The following SULF1 variants were observed in gnomAD, a reference collection of about 807,000 sequenced individuals.
SULF1 encodes sulfatase 1.
SULF1 carries 46 observed loss-of-function variants against 110.5 expected under a neutral mutation model. The ratio of observed to expected loss-of-function variants is 0.42; its 90% CI spans 0.33 to 0.53. SULF1 has a LOEUF of 0.53. Among genes scored for constraint, SULF1 ranks in the 20% least tolerant of loss-of-function variants. The pLI is 0.12. For missense variants in SULF1, 941 were observed against 1,094.2 expected (o/e 0.86, Z 1.98); for synonymous variants, 371 against 387.1 (o/e 0.96, Z 0.49).
At position 69,475,135 on chromosome 8, in the gene SULF1, AG is replaced by A. The variant is rs1809247149; in HGVS notation, c.-391+8189del. 4.6e-5 allele frequency among the ~76,000 whole-genome samples: 7 copies of A among 151,942 alleles called. No individual in the cohort carries two copies. The South Asian group carries it at 1.5e-3, about 32-fold the overall frequency. ...AAGAGAAAAAAAGGAATGGAAGAGG[AG>A]GGGAAACATTGTGATCCTCTCTTGC... On this transcript the variant is annotated intron_variant, in intron 1 of 22. Coordinates refer to the SULF1 transcript ENST00000260128.
At chr8:69,506,662 T>C (rs1434142768) in intron 3 of SULF1, among the ~76,000 whole-genome samples, 3 of 152,192 alleles carry the variant, frequency 2.0e-5, no homozygotes, top group Non-Finnish European at 4.4e-5. Flanking sequence ...GTGCTTTGCC[T>C]GATAATGGTG....
chr8:69,601,591 A>C, intron 9 of SULF1, 63 bp from the exon 10 acceptor site: 1 of 1,381,734 alleles, frequency 7.2e-7, no homozygotes, highest in East Asian at 2.5e-5. Flanking sequence ...TCGTGGCAAC[A>C]CTATTGAGCA....
At chr8:69,549,497 T>C (rs1157638738) in intron 3 of SULF1, among the ~76,000 whole-genome samples, 1 of 151,616 alleles carries the variant, frequency 6.6e-6, no homozygotes, top group Non-Finnish European at 1.5e-5. Context: ...GTTAACTAGA[T>C]TGTGCCTCCT....
rs371350433 is a variant in SULF1, at chr8:69,471,309, G to A, written c.-391+4359G>A. Among the ~76,000 whole-genome samples, 16 of 151,654 alleles carry A rather than the reference G, an allele frequency of 1.1e-4. No homozygotes were observed. In the South Asian group the frequency reaches 2.9e-3, roughly 28 times the overall value. ...GCTTACTAAACTCACCAGGACATTC[G>A]AACACTCAAGACACTTTCCTCTCTA... On this transcript the variant is annotated intron_variant, in intron 1 of 22. Transcript: ENST00000260128.
chr8:69,620,925 A>T (rs2130546778), intron 13 of SULF1, 110 bp from the exon 14 acceptor site: 2 of 792,008 alleles, frequency 2.5e-6, no homozygotes, highest in South Asian at 4.1e-5. Flanking sequence ...CCTTAATGAT[A>T]TTGCCAGTGC....
At chr8:69,646,464 C>T (rs1447384782) in intron 22 of SULF1, among the ~76,000 whole-genome samples, 2 of 150,876 alleles carry the variant, frequency 1.3e-5, no homozygotes, top group Admixed American at 6.6e-5. Context: ...CTCACACTGT[C>T]GCCTGGGCTG....
At chr8:69,536,111 AT>A (rs1813416614) in intron 3 of SULF1, among the ~76,000 whole-genome samples, 1 of 152,118 alleles carries the variant, frequency 6.6e-6, no homozygotes, top group African/African-American at 2.4e-5. Flanking sequence ...ACTTCGATCA[AT>A]TTAATTTGAT....
rs1367509917 is a variant in SULF1 at position 69,659,119 on chromosome 8, A to C, written c.*584A>C. 2 of 456,792 alleles carry C rather than the reference A, an allele frequency of 4.4e-6. No individual in the cohort carries two copies. Among genetic ancestry groups the C allele is most frequent in the South Asian group, 3.1e-5 (2 of 64,560 alleles). The allele number at this position is 456,792 out of a possible 1,614,324, so 28.3% of individuals were successfully genotyped here. Reference sequence around the variant, plus strand: ...ACTTCCCCAGTATGGTGGTCCTGGAAAGGACATTTTTGAAGATCAACTATA... The same window carrying C: ...ACTTCCCCAGTATGGTGGTCCTGGACAGGACATTTTTGAAGATCAACTATA... On this transcript the variant is annotated 3_prime_UTR_variant, in exon 23 of 23. Transcript: ENST00000402687.
At chr8:69,526,981 C>G (rs1342643535) in intron 3 of SULF1, among the ~76,000 whole-genome samples, 3 of 152,144 alleles carry the variant, frequency 2.0e-5, no homozygotes, top group Non-Finnish European at 4.4e-5. Context: ...TTGTAAGTGT[C>G]TGAAAGAGAG....
intron 7 of SULF1, among the ~76,000 whole-genome samples, chr8:69,587,482 A>T (rs1456601854): frequency 1.3e-5 from 2 of 152,200 alleles, no homozygotes; most frequent in African/African-American, 4.8e-5. Context: ...GAAAACAATG[A>T]ATGCAAATGA....
chr8:69,629,690 T>C lies in SULF1; in HGVS notation c.2284+11T>C, dbSNP rs761331824. The C allele has an allele frequency of 1.3e-6, 2 of 1,585,932 alleles. No individual in the cohort carries two copies. The highest frequency in any genetic ancestry group is 8.6e-7 in the Non-Finnish European group (1 of 1,165,804). ...CCCCGTTCTGGAACCGTAAGTTGCT[T>C]GTTCCAAATGCCACTTCCTGCCGCC... On this transcript the variant is annotated intron_variant, in intron 19 of 22. Transcript: ENST00000402687.
rs141338686 is a variant in SULF1 at position 69,631,731 on chromosome 8, T to C, written c.2284+2052T>C. On this transcript the variant is annotated intron_variant, in intron 19 of 22. Transcript: ENST00000402687. Reference sequence around the variant, plus strand: ...CTCGCCATGGGGCCTTTGCACTTGTTTCCCCTCCCTGGAAGGCTCTTGCCC... The same window carrying C: ...CTCGCCATGGGGCCTTTGCACTTGTCTCCCCTCCCTGGAAGGCTCTTGCCC... 1.1e-4 allele frequency among the ~76,000 whole-genome samples: 16 copies of C among 152,350 alleles called. 2 individuals carry two copies. The East Asian group carries it at 2.9e-3, about 28-fold the overall frequency.
intron 2 of SULF1, 91 bp downstream of exon 2, chr8:69,496,017 A>G (rs901351175): frequency 6.6e-6 from 1 of 152,244 alleles, no homozygotes; most frequent in Non-Finnish European, 1.5e-5. Flanking sequence ...AGCAGGCAGG[A>G]AGCTGTGACT....
At chr8:69,557,972 T>G (rs150955343) in intron 3 of SULF1, among the ~76,000 whole-genome samples, 29 of 152,344 alleles carry the variant, frequency 1.9e-4, no homozygotes, top group African/African-American at 6.7e-4. Context: ...CTATCTTCTT[T>G]GCTTGGAGTT....
In SULF1 at chr8:69,660,167, A is replaced by G. The variant is rs905815497; in HGVS notation, c.*1632A>G. On this transcript the variant is annotated 3_prime_UTR_variant, in exon 23 of 23. Coordinates refer to ENST00000402687, the MANE Select transcript of SULF1 (RefSeq NM_001128205.2). ...CTTGACAGGAGAAAAAGATCTAAAG[A>G]TCTTTTATTTTCATCTTTTTTGGTT... 6.6e-6 allele frequency: 1 copy of G among 152,278 alleles called. No individual in the cohort carries two copies. Among genetic ancestry groups the G allele is most frequent in the Non-Finnish European group, 1.5e-5 (1 of 68,038 alleles). The allele number at this position is 152,278 out of a possible 1,614,324, so 9.4% of individuals were successfully genotyped here.
rs573648168 is a variant in SULF1 at position 69,498,632 on chromosome 8, G to A, written c.-229+2706G>A. Reference sequence around the variant, plus strand: ...CAGGTTTTAAATGTTATGAGTTCTAGTGACAGGGATTAATGAAAATAGAGG... The same window carrying A: ...CAGGTTTTAAATGTTATGAGTTCTAATGACAGGGATTAATGAAAATAGAGG... On this transcript the variant is annotated intron_variant, in intron 2 of 22. Coordinates refer to ENST00000402687, the MANE Select transcript of SULF1 (RefSeq NM_001128205.2). Among the ~76,000 whole-genome samples, 6 of 152,310 alleles carry A rather than the reference G, an allele frequency of 3.9e-5. No individual in the cohort carries two copies. In the East Asian group the frequency reaches 1.2e-3, roughly 29 times the overall value.
intron 13 of SULF1, among the ~76,000 whole-genome samples, chr8:69,613,716 T>A (rs1808852090): frequency 6.6e-6 from 1 of 152,192 alleles, no homozygotes; most frequent in Admixed American, 6.5e-5. Context: ...ATAATAATTA[T>A]TTTGTACAGT....
Position 69,604,919 on chromosome 8 carries a change from A to C in SULF1, c.1364A>C (p.Glu455Ala). Residue 455 changes from glutamate (E) to alanine (A), a missense_variant, in exon 13 of 23, where the codon GAA (glutamate) becomes GCA (alanine). By Grantham distance (107) the Glu-to-Ala change is moderately radical (BLOSUM62 -1). Coordinates refer to ENST00000402687, the MANE Select transcript of SULF1 (RefSeq NM_001128205.2). ...CAGGCCAGGTACCAGACAGCCTGTG[A>C]ACAACCGGGGCAGGTGAGTGACGCA... Reference protein sequence around the residue: ...CQQARYQTACEQPGQKWQCIE... With the variant: ...CQQARYQTACAQPGQKWQCIE... 3 of 1,614,208 alleles carry C rather than the reference A, an allele frequency of 1.9e-6. No homozygotes were observed. In the South Asian group the frequency reaches 3.3e-5, roughly 18 times the overall value.
intron 14 of SULF1, among the ~76,000 whole-genome samples, chr8:69,622,539 C>T (rs1225769810): frequency 1.3e-5 from 2 of 151,468 alleles, no homozygotes; most frequent in African/African-American, 4.9e-5. Context: ...GAGCCGAGAT[C>T]GCACCACTGC....
Sources: gnomAD v4.1 joint callset for allele counts (sites outside exome capture counted in the v4.1 genomes callset) on GRCh38, gnomAD v4.1.1 for gene constraint, MANE v1.5 for transcripts, NCBI Gene and HGNC (gene_info 2026-07-23, HGNC 2026-07-21) for gene names.